Variants in SLC24A2 observed in about 807,000 individuals in gnomAD.
The protein encoded by SLC24A2 is solute carrier family 24 member 2.
SLC24A2 carries 36 observed loss-of-function variants against 62.0 expected under a neutral mutation model. That is an observed-to-expected ratio of 0.58 (90% confidence interval 0.44 to 0.77). The LOEUF is 0.77. SLC24A2 is among the 30% of genes least tolerant of loss of function. The pLI, the probability that SLC24A2 is intolerant of heterozygous loss-of-function variation, is 0.00. For missense variants in SLC24A2, 846 were observed against 817.9 expected, an observed-to-expected ratio of 1.03 and a Z score of -0.42; for synonymous variants, 358 against 294.0, an observed-to-expected ratio of 1.22 and a Z score of -2.23.
intron 4 of SLC24A2, among the ~76,000 whole-genome samples, chr9:19,609,062 T>C (rs1279807151): frequency 6.6e-6 from 1 of 152,230 alleles, no homozygotes; most frequent in African/African-American, 2.4e-5. Flanking sequence ...TCCTCAGGGT[T>C]CACACAATGA....
the SLC24A2 span, among the ~76,000 whole-genome samples, chr9:20,071,543 T>C: frequency 1.3e-5 from 2 of 152,196 alleles, no homozygotes; most frequent in African/African-American, 4.8e-5. Flanking sequence ...CCCCCCAAAA[T>C]GTGTCCATGT....
intron 2 of SLC24A2, among the ~76,000 whole-genome samples, chr9:19,743,770 A>G (rs77382338): frequency 0.014 from 2,169 of 152,206 alleles, 56 homozygotes; most frequent in African/African-American, 0.05. Flanking sequence ...TGCCTCTCCC[A>G]ATTCAAAAAG....
At chr9:20,060,596 C>T in the SLC24A2 span, among the ~76,000 whole-genome samples, 2 of 152,050 alleles carry the variant, frequency 1.3e-5, no homozygotes, top group African/African-American at 2.4e-5. Context: ...AAACCCAACA[C>T]TGATTCATGA....
rs879685743 is a variant in SLC24A2, at chr9:19,523,203, G to A, written c.1570-2143C>T. Reference sequence around the variant, plus strand: ...TGGAGTTTGAATGCTACTATATACAGGAAAACATAGGAATTGAAGAGGAGA... The same window carrying A: ...TGGAGTTTGAATGCTACTATATACAAGAAAACATAGGAATTGAAGAGGAGA... On this transcript the variant is annotated intron_variant, in intron 9 of 10. Coordinates refer to ENST00000341998, the MANE Select transcript of SLC24A2 (RefSeq NM_020344.4). Among the ~76,000 whole-genome samples, 8 of 152,156 alleles carry A rather than the reference G, an allele frequency of 5.3e-5. No homozygotes were observed. In the East Asian group the frequency reaches 1.4e-3, roughly 26 times the overall value.
the SLC24A2 span, among the ~76,000 whole-genome samples, chr9:19,937,802 C>A: frequency 6.6e-6 from 1 of 152,142 alleles, no homozygotes; most frequent in Non-Finnish European, 1.5e-5. Context: ...TGTTCTAATG[C>A]TGTCTTCAGG....
intron 2 of SLC24A2, among the ~76,000 whole-genome samples, chr9:19,654,094 T>G (rs1047077731): frequency 1.3e-5 from 2 of 152,156 alleles, no homozygotes; most frequent in African/African-American, 4.8e-5. Flanking sequence ...CCCCAACCTA[T>G]GACCCCAAGC....
At chr9:20,133,042 T>C in the SLC24A2 span, among the ~76,000 whole-genome samples, 1 of 152,138 alleles carries the variant, frequency 6.6e-6, no homozygotes, top group African/African-American at 2.4e-5. Flanking sequence ...GAGATTTGAA[T>C]CCTTATTCTG....
At chr9:20,024,324 A>T in the SLC24A2 span, among the ~76,000 whole-genome samples, 1 of 152,232 alleles carries the variant, frequency 6.6e-6, no homozygotes, top group Non-Finnish European at 1.5e-5. Flanking sequence ...CTTAGAAAAA[A>T]TAAACAATCA....
At chr9:19,653,075 C>T (rs1003526686) in intron 2 of SLC24A2, among the ~76,000 whole-genome samples, 1 of 152,178 alleles carries the variant, frequency 6.6e-6, no homozygotes, top group African/African-American at 2.4e-5. Context: ...ATAAACTTGG[C>T]TCACCTCGGG....
intron 2 of SLC24A2, among the ~76,000 whole-genome samples, chr9:19,651,997 G>C (rs1056462249): frequency 3.9e-5 from 6 of 152,260 alleles, no homozygotes; most frequent in Middle Eastern, 6.8e-3. Flanking sequence ...TATTTCACAA[G>C]TAAATTGCTC....
intron 2 of SLC24A2, among the ~76,000 whole-genome samples, chr9:19,677,556 C>T (rs921511764): frequency 1.3e-5 from 2 of 152,140 alleles, no homozygotes; most frequent in Non-Finnish European, 2.9e-5. Context: ...GTATAACAAA[C>T]GTGCATGTGT....
the SLC24A2 span, among the ~76,000 whole-genome samples, chr9:20,113,918 C>T: frequency 1.3e-5 from 2 of 152,148 alleles, no homozygotes; most frequent in African/African-American, 4.8e-5. Flanking sequence ...CACTGAACAA[C>T]AGGCAGCTTG....
the SLC24A2 span, among the ~76,000 whole-genome samples, chr9:19,891,121 T>C: frequency 2.2e-4 from 34 of 152,332 alleles, no homozygotes; most frequent in Non-Finnish European, 3.2e-4. Flanking sequence ...AAATATGTGC[T>C]GAATCTTACC....
intron 2 of SLC24A2, among the ~76,000 whole-genome samples, chr9:19,746,007 C>T (rs1821820815): frequency 6.6e-6 from 1 of 151,894 alleles, no homozygotes; most frequent in Non-Finnish European, 1.5e-5. Flanking sequence ...TGAAGAAATG[C>T]TGGAAAATAC....
intron 2 of SLC24A2, among the ~76,000 whole-genome samples, chr9:19,684,912 C>T (rs540896017): frequency 6.6e-5 from 10 of 152,072 alleles, no homozygotes; most frequent in Non-Finnish European, 1.2e-4. Context: ...CTCAAACTAT[C>T]TTTGTTTGCA....
intron 2 of SLC24A2, among the ~76,000 whole-genome samples, chr9:19,770,810 G>C (rs919425138): frequency 1.3e-5 from 2 of 152,182 alleles, no homozygotes; most frequent in African/African-American, 2.4e-5. Context: ...TAAAGATAGA[G>C]AAGAGCAACT....
chr9:19,823,781 G>T, the SLC24A2 span, among the ~76,000 whole-genome samples: 1 of 152,044 alleles, frequency 6.6e-6, no homozygotes, highest in East Asian at 1.9e-4. Flanking sequence ...ATACTACAAG[G>T]CTACAGTAAC....
At chr9:20,084,858 C>T in the SLC24A2 span, among the ~76,000 whole-genome samples, 2 of 152,162 alleles carry the variant, frequency 1.3e-5, no homozygotes, top group Non-Finnish European at 2.9e-5. Context: ...TTTCAGGAAT[C>T]TAGTTATGAA....
At chr9:20,288,741 CAAA>C in the SLC24A2 span, among the ~76,000 whole-genome samples, 19 of 79,292 alleles carry the variant, frequency 2.4e-4, no homozygotes, top group African/African-American at 4.6e-4. Flanking sequence ...GACTCTGTCT[CAAA>C]AAAAAAAAAA....
Sources: allele counts gnomAD v4.1 joint callset (sites outside exome capture counted in the v4.1 genomes callset), GRCh38; gene constraint gnomAD v4.1.1; transcripts MANE v1.5; gene names NCBI Gene and HGNC (gene_info 2026-07-23, HGNC 2026-07-21).